The following GABBR1 variants were observed in gnomAD, a reference collection of about 807,000 sequenced individuals.
GABBR1 encodes the protein gamma-aminobutyric acid type B receptor subunit 1, also known as GABA-B receptor, R1 subunit.
GABBR1 carries 35 observed loss-of-function variants against 117.7 expected under a neutral mutation model. The ratio of observed to expected loss-of-function variants is 0.30; its 90% CI spans 0.23 to 0.39. The LOEUF (loss-of-function observed/expected upper bound fraction) is 0.39, where lower values mean the gene tolerates loss of function less well. GABBR1 is among the 10% of genes least tolerant of loss of function. The pLI is 1.00. For synonymous variants in GABBR1, 442 were observed against 486.6 expected (o/e 0.91, Z 1.21); for missense variants, 709 against 1,241.8 (o/e 0.57, Z 6.45).
At chr6:29,616,701 G>A (rs1291288784) in intron 11 of GABBR1, among the ~76,000 whole-genome samples, 5 of 123,290 alleles carry the variant, frequency 4.1e-5, no homozygotes, top group Admixed American at 8.1e-5. Flanking sequence ...AAAAAAAAAA[G>A]TTAGCCAGAC....
At position 29,631,031 on chromosome 6, in the gene GABBR1, G is replaced by T. The variant is rs534254803; in HGVS notation, c.289+365C>A. Reference sequence around the variant, plus strand: ...TATTAAACTGGCTTTTGTTTCTTGGGCATATGGTCTCTGGGTTGGTGACAG... The same window carrying T: ...TATTAAACTGGCTTTTGTTTCTTGGTCATATGGTCTCTGGGTTGGTGACAG... On this transcript the variant is annotated intron_variant, in intron 3 of 22. Transcript: ENST00000377034. The surrounding 1 kb of genome is among the most constrained non-coding windows in gnomAD (Gnocchi z 5.9). Among the ~76,000 whole-genome samples the T allele has an allele frequency of 2.0e-5, 3 of 152,214 alleles. No individual in the cohort carries two copies. In the East Asian group the frequency reaches 5.8e-4, roughly 29 times the overall value.
At position 29,632,389 on chromosome 6, in the gene GABBR1, A is replaced by G; in HGVS notation, c.1-4T>C. 1 of 1,341,052 alleles carries G rather than the reference A, an allele frequency of 7.5e-7. No individual in the cohort carries two copies. The highest frequency in any genetic ancestry group is 9.6e-7 in the Non-Finnish European group (1 of 1,040,478). The allele number at this position is 1,341,052 out of a possible 1,614,324, so 83.1% of individuals were successfully genotyped here. A position where few individuals can be genotyped will look rare whatever the true frequency, so the allele number is the denominator to read the frequency against. ...CCAGTAGCAGCAGCAGCAACATCTAAGTGAGAGGCGGCCATGAGGACTGGA... is the reference window on the plus strand; with the variant it reads ...CCAGTAGCAGCAGCAGCAACATCTAGGTGAGAGGCGGCCATGAGGACTGGA... On this transcript the variant is annotated splice_region_variant and splice_polypyrimidine_tract_variant and intron_variant, in intron 1 of 22. Coordinates refer to ENST00000377034, the MANE Select transcript of GABBR1 (RefSeq NM_001470.4). This position sits in a 1 kb window ranked among gnomAD's most constrained non-coding sequence, Gnocchi z 5.8.
Position 29,627,630 on chromosome 6 carries a change from G to A in GABBR1, c.513C>T (p.Tyr171=), listed in dbSNP as rs1764433811. The part of the protein sequence containing the change: ...RTPHSERRAV[Y]IGALFPMSGG... ...CGCTCATGGGAAACAGTGCCCCGAT[G>A]TACACTGCGCGCCGTTCTGAGGAGG... Residue 171 remains tyrosine (Y), a synonymous_variant, in exon 6 of 23, where the codon TAC becomes TAT. Coordinates refer to ENST00000377034, the MANE Select transcript of GABBR1 (RefSeq NM_001470.4). This position sits in a 1 kb window ranked among gnomAD's most constrained non-coding sequence, Gnocchi z 4.4. The A allele has an allele frequency of 1.3e-6, 2 of 1,557,728 alleles. No homozygotes were observed. The highest frequency in any genetic ancestry group is 1.7e-6 in the Non-Finnish European group (2 of 1,155,046).
In GABBR1 at chr6:29,605,420, G is replaced by A; in HGVS notation, c.2439+149C>T. 2.2e-6 allele frequency: 2 copies of A among 900,292 alleles called. No homozygotes were observed. Among genetic ancestry groups the A allele is most frequent in the Non-Finnish European group, 3.4e-6 (2 of 586,470 alleles). 55.8% of individuals were successfully genotyped at this position (900,292 alleles called of 1,614,324 possible). ...ATGTCTGTAGTGAGCTTTGTAAACTGTAAAGTGCTTTATAGACCTGAAGAA... is the reference window on the plus strand; with the variant it reads ...ATGTCTGTAGTGAGCTTTGTAAACTATAAAGTGCTTTATAGACCTGAAGAA... On this transcript the variant is annotated intron_variant, in intron 20 of 22. Coordinates refer to ENST00000377034, the MANE Select transcript of GABBR1 (RefSeq NM_001470.4). This position sits in a 1 kb window ranked among gnomAD's most constrained non-coding sequence, Gnocchi z 4.2.
chr6:29,625,637 C>T (rs1764196557), intron 6 of GABBR1, among the ~76,000 whole-genome samples: 1 of 152,142 alleles, frequency 6.6e-6, no homozygotes, highest in African/African-American at 2.4e-5. Flanking sequence ...TCTGGTTCTT[C>T]TGCCTTCCCA....
intron 11 of GABBR1, among the ~76,000 whole-genome samples, chr6:29,615,590 T>C (rs188973110): frequency 1.5e-4 from 21 of 138,050 alleles, no homozygotes; most frequent in Admixed American, 1.2e-3. Context: ...GCCTGGGCGA[T>C]GGAGTGAGAC....
Position 29,603,662 on chromosome 6 carries a change from G to A in GABBR1, c.2767C>T (p.Arg923Cys), listed in dbSNP as rs772112428. ...GGTGTCGGTGGGTGGCGCCGGGAGCGGAGCTGCTGCCGAGACTGGAGTTGA... is the reference window on the plus strand; with the variant it reads ...GGTGTCGGTGGGTGGCGCCGGGAGCAGAGCTGCTGCCGAGACTGGAGTTGA... ...RHQLQSRQQL[R>C]SRRHPPTPPE... Residue 923 changes from arginine (R) to cysteine (C), a missense_variant, in exon 23 of 23, where the codon CGC (arginine) becomes TGC (cysteine). By Grantham distance (180) the Arg-to-Cys change is radical. Around this residue, in one of 9 missense-constraint regions of GABBR1, gnomAD observed 69 missense variants for 64.3 expected, o/e 1.07. Coordinates refer to ENST00000377034, the MANE Select transcript of GABBR1 (RefSeq NM_001470.4). 6 of 1,516,246 alleles carry A rather than the reference G, an allele frequency of 4.0e-6. No individual in the cohort carries two copies. The African/African-American group carries it at 4.2e-5, about 11-fold the overall frequency. 93.9% of individuals were successfully genotyped at this position (1,516,246 alleles called of 1,614,324 possible).
intron 5 of GABBR1, chr6:29,628,196 AGGGGG>A: frequency 7.8e-6 from 2 of 257,718 alleles, no homozygotes; most frequent in Non-Finnish European, 8.8e-6. Flanking sequence ...CGGGGAGGGG[AGGGGG>A]GATGCAACCT....
In GABBR1 at chr6:29,620,886, A is replaced by G. The variant is rs1582996254; in HGVS notation, c.1323+215T>C. 6.9e-6 allele frequency among the ~76,000 whole-genome samples: 1 copy of G among 145,576 alleles called. No individual in the cohort carries two copies. Among genetic ancestry groups the G allele is most frequent in the Admixed American group, 6.9e-5 (1 of 14,580 alleles). ...AGGAACCTACTGAACATACAACTCC[A>G]TCGTTTTTTTTTTTTTCTCTCTCTA... On this transcript the variant is annotated intron_variant, in intron 11 of 22. Transcript: ENST00000377034. This position sits in a 1 kb window ranked among gnomAD's most constrained non-coding sequence, Gnocchi z 4.5.
chr6:29,624,116 C>A, intron 6 of GABBR1, 92 bp from the exon 7 acceptor site: 2 of 1,244,166 alleles, frequency 1.6e-6, no homozygotes, highest in Non-Finnish European at 2.2e-6. Context: ...AAATTAGTTC[C>A]TTTCTCAATT....
At position 29,631,372 on chromosome 6, in the gene GABBR1, G is replaced by C. The variant is rs1423907377; in HGVS notation, c.289+24C>G. 1 of 1,609,422 alleles carries C rather than the reference G, an allele frequency of 6.2e-7. No individual in the cohort carries two copies. Among genetic ancestry groups the C allele is most frequent in the South Asian group, 1.1e-5 (1 of 90,996 alleles). On this transcript the variant is annotated intron_variant, in intron 3 of 22. Coordinates refer to ENST00000377034, the MANE Select transcript of GABBR1 (RefSeq NM_001470.4). This position sits in a 1 kb window ranked among gnomAD's most constrained non-coding sequence, Gnocchi z 5.9. ...AGGAAAAGGAATAGTCTTGAAGAGG[G>C]GAGGGGCTTCCGAGGCTACTCACCA...
Position 29,604,640 on chromosome 6 carries a change from G to C in GABBR1, c.2569-3C>G. The C allele has an allele frequency of 6.2e-7, 1 of 1,613,220 alleles. No homozygotes were observed. Among genetic ancestry groups the C allele is most frequent in the African/African-American group, 1.3e-5 (1 of 75,040 alleles). ...CCTCGGGTGATCAGCCTGCGCATCT[G>C]GGGGCAAATGTTTGGGCGTGGGGTG... On this transcript the variant is annotated splice_polypyrimidine_tract_variant and splice_region_variant and intron_variant, in intron 21 of 22. Transcript: ENST00000377034. The surrounding 1 kb of genome is among the most constrained non-coding windows in gnomAD (Gnocchi z 5.3).
Position 29,631,542 on chromosome 6 carries a change from C to G in GABBR1, c.143G>C (p.Arg48Pro), listed in dbSNP as rs1764971988. The change falls in exon 3 of 23, where the codon CGG becomes CCG. Residue 48 changes from arginine (R) to proline (P), a missense_variant. This residue lies in a region of GABBR1 where 101 missense variants were observed against 132.3 expected (regional missense o/e 0.76). Transcript: ENST00000377034. The surrounding 1 kb of genome is among the most constrained non-coding windows in gnomAD (Gnocchi z 5.9). ...GAAGTTGATAGCCTTCACCTGGTCCCGAGTCAGGCCCCGGTACCTGATGCC... is the reference window on the plus strand; with the variant it reads ...GAAGTTGATAGCCTTCACCTGGTCCGGAGTCAGGCCCCGGTACCTGATGCC... ...EGGIRYRGLTRDQVKAINFLP... is the reference protein window; with the variant it reads ...EGGIRYRGLTPDQVKAINFLP... The G allele has an allele frequency of 6.2e-7, 1 of 1,614,184 alleles. No individual in the cohort carries two copies. Among genetic ancestry groups the G allele is most frequent in the Non-Finnish European group, 8.5e-7 (1 of 1,180,034 alleles).
rs1311784592 is a variant in GABBR1, at chr6:29,611,880, G to A, written c.1630+671C>T. On this transcript the variant is annotated intron_variant, in intron 13 of 22. Coordinates refer to ENST00000377034, the MANE Select transcript of GABBR1 (RefSeq NM_001470.4). This position sits in a 1 kb window ranked among gnomAD's most constrained non-coding sequence, Gnocchi z 4.6. ...AAAAATAGCGGTTCTCCTAGATTCAGCTTTCTTGAGTCTAACTGACAGGTC... is the reference window on the plus strand; with the variant it reads ...AAAAATAGCGGTTCTCCTAGATTCAACTTTCTTGAGTCTAACTGACAGGTC... Among the ~76,000 whole-genome samples, 1 of 152,126 alleles carries A rather than the reference G, an allele frequency of 6.6e-6. No individual in the cohort carries two copies. Among genetic ancestry groups the A allele is most frequent in the Non-Finnish European group, 1.5e-5 (1 of 68,036 alleles).
In GABBR1 at chr6:29,632,368, T is replaced by TAGC; in HGVS notation, c.15_17dup (p.Leu7dup). The TAGC allele has an allele frequency of 5.2e-6, 7 of 1,347,002 alleles. No homozygotes were observed. The highest frequency in any genetic ancestry group is 5.7e-6 in the Non-Finnish European group (6 of 1,043,972). 83.4% of individuals were successfully genotyped at this position (1,347,002 alleles called of 1,614,324 possible). A position where few individuals can be genotyped will look rare whatever the true frequency, so the allele number is the denominator to read the frequency against. The stretch of plus-strand genomic sequence containing the variant: ...GGGGGCGGAGGAAGAGTGGCGCCAG[T>TAGC]AGCAGCAGCAGCAACATCTAAGTGA... On this transcript the variant is annotated inframe_insertion, in exon 2 of 23. Transcript: ENST00000377034. This position sits in a 1 kb window ranked among gnomAD's most constrained non-coding sequence, Gnocchi z 5.8.
Position 29,607,134 on chromosome 6 carries a change from T to C in GABBR1, c.2077A>G (p.Thr693Ala). The change falls in exon 17 of 23, where the codon ACA (threonine) becomes GCA (alanine). Residue 693 changes from threonine (T) to alanine (A), a missense_variant. Transcript: ENST00000377034. This position sits in a 1 kb window ranked among gnomAD's most constrained non-coding sequence, Gnocchi z 5.0. ...CACTCCTTCTTTTCTTCCTTCTTTG[T>C]GAAGACCGTGTGGACCCACCAAATC... is the stretch of plus-strand genomic sequence containing the variant. ...TKIWWVHTVF[T>A]KKEEKKEWRK... 6.2e-7 allele frequency: 1 copy of C among 1,614,128 alleles called. No homozygotes were observed. Among genetic ancestry groups the C allele is most frequent in the African/African-American group, 1.3e-5 (1 of 75,028 alleles).
In GABBR1 at chr6:29,604,235, G is replaced by C. The variant is rs1298311209; in HGVS notation, c.2712+259C>G. Among the ~76,000 whole-genome samples the C allele has an allele frequency of 3.9e-5, 6 of 152,132 alleles. No individual in the cohort carries two copies. Among genetic ancestry groups the C allele is most frequent in the Admixed American group, 3.3e-4 (5 of 15,276 alleles). On this transcript the variant is annotated intron_variant, in intron 22 of 22. Transcript: ENST00000377034. The surrounding 1 kb of genome is among the most constrained non-coding windows in gnomAD (Gnocchi z 5.3). ...CATCCTCTTGCCTTAAGGAGGCTGA[G>C]TCAACCACATAGCTCCCACTCCAGA...
intron 16 of GABBR1, among the ~76,000 whole-genome samples, chr6:29,608,206 T>C (rs1762155282): frequency 6.6e-6 from 1 of 152,168 alleles, no homozygotes; most frequent in South Asian, 2.1e-4. Flanking sequence ...TGTTTCCATC[T>C]CTGCTTCTAT....
chr6:29,621,062 C>T lies in GABBR1; in HGVS notation c.1323+39G>A. On this transcript the variant is annotated intron_variant, in intron 11 of 22. Coordinates refer to ENST00000377034, the MANE Select transcript of GABBR1 (RefSeq NM_001470.4). This position sits in a 1 kb window ranked among gnomAD's most constrained non-coding sequence, Gnocchi z 5.0. ...TGCAAGGCCCCCTCAGTCCTCTCCACCCTCCCAGGTGCCAGACTGCAAGTC... is the reference window on the plus strand; with the variant it reads ...TGCAAGGCCCCCTCAGTCCTCTCCATCCTCCCAGGTGCCAGACTGCAAGTC... The T allele has an allele frequency of 1.3e-6, 2 of 1,582,226 alleles. No homozygotes were observed. Among genetic ancestry groups the T allele is most frequent in the Non-Finnish European group, 1.7e-6 (2 of 1,161,550 alleles).
Sources: allele counts gnomAD v4.1 joint callset (sites outside exome capture counted in the v4.1 genomes callset), GRCh38; gene constraint gnomAD v4.1.1; regional missense constraint gnomAD v4.1.1; non-coding constraint Gnocchi (gnomAD v3.1); transcripts MANE v1.5; gene names NCBI Gene and HGNC (gene_info 2026-07-23, HGNC 2026-07-21).